Variants in ARAP3 observed in about 807,000 individuals in gnomAD.
The protein encoded by ARAP3 is ArfGAP with RhoGAP domain, ankyrin repeat and PH domain 3.
In ARAP3, 82 loss-of-function variants were observed where a neutral mutation model predicts 169.2. The ratio of observed to expected loss-of-function variants is 0.48; its 90% confidence interval spans 0.41 to 0.58. ARAP3 has a LOEUF of 0.58. Ranked by LOEUF, ARAP3 falls within the 20% of genes least tolerant of loss-of-function variation. ARAP3 has a pLI of 0.00. For synonymous variants in ARAP3, 791 were observed against 800.3 expected (o/e 0.99, Z 0.20); for missense variants, 1,764 against 2,018.0 (o/e 0.87, Z 2.41).
chr5:141,654,414 A>G lies in ARAP3; in HGVS notation c.4171T>C (p.Ser1391Pro), dbSNP rs113825295. Residue 1391 changes from serine (S) to proline (P), a missense_variant, in exon 33 of 33, where the codon TCT becomes CCT. By Grantham distance (74) the Ser-to-Pro change is moderately conservative. Around this residue, in one of 3 missense-constraint regions of ARAP3, gnomAD observed 1,112 missense variants for 1,285.7 expected, o/e 0.86. Coordinates refer to ENST00000239440, the MANE Select transcript of ARAP3 (RefSeq NM_022481.6). ...MFFPMKSSQG[S>P]VEEQEELEEP... is the part of the protein sequence containing the mutation. ...TCCAGCTCCTCTTGCTCCTCCACAG[A>G]CCCCTGGGATGACTTCATTGGCTGG... is the stretch of plus-strand genomic sequence containing the variant. 1 of 1,590,736 alleles carries G rather than the reference A, an allele frequency of 6.3e-7. No homozygotes were observed. The highest frequency in any genetic ancestry group is 8.6e-7 in the Non-Finnish European group (1 of 1,167,196).
chr5:141,668,996 A>G (rs1019471219), intron 16 of ARAP3, among the ~76,000 whole-genome samples: 3 of 152,168 alleles, frequency 2.0e-5, no homozygotes, highest in African/African-American at 7.2e-5. Context: ...CTGTCTTAGG[A>G]TGGGAGAGAC....
At position 141,672,201 on chromosome 5, in the gene ARAP3, A is replaced by G; in HGVS notation, c.1486T>C (p.Trp496Arg). 1 of 1,614,188 alleles carries G rather than the reference A, an allele frequency of 6.2e-7. No homozygotes were observed. The highest frequency in any genetic ancestry group is 8.5e-7 in the Non-Finnish European group (1 of 1,180,018). ...CACTGCCGGTTGGCCCGATTAGACC[A>G]GATCTTCTCAGCCACCTCGTAGTCA... ...LSDYEVAEKI[W>R]SNRANRQCAD... is the part of the protein sequence containing the mutation. The change falls in exon 10 of 33, where the codon TGG becomes CGG. Residue 496 changes from tryptophan (W) to arginine (R), a missense_variant. Trp to Arg is a moderately radical substitution (Grantham distance 101, BLOSUM62 -3). This residue lies in a region of ARAP3 where 630 missense variants were observed against 678.7 expected (regional missense o/e 0.93). Transcript: ENST00000239440. This position sits in a 1 kb window ranked among gnomAD's most constrained non-coding sequence, Gnocchi z 4.9.
chr5:141,653,809 G>C lies in ARAP3; in HGVS notation c.*141C>G. The C allele has an allele frequency of 8.2e-7, 1 of 1,224,006 alleles. No individual in the cohort carries two copies. The highest frequency in any genetic ancestry group is 2.5e-5 in the East Asian group (1 of 40,212). 75.8% of individuals were successfully genotyped at this position (1,224,006 alleles called of 1,614,324 possible). On this transcript the variant is annotated 3_prime_UTR_variant, in exon 33 of 33. Transcript: ENST00000239440. ...TGTCCTGGGACACGCAGCCACTGAA[G>C]CCTTTAGTCCAGTGCTCCTTCCACA... is the stretch of plus-strand genomic sequence containing the variant.
At chr5:141,656,900 C>T in intron 25 of ARAP3, 54 bp from the exon 26 acceptor site, 1 of 1,563,846 alleles carries the variant, frequency 6.4e-7, no homozygotes, top group Non-Finnish European at 8.7e-7. Flanking sequence ...ATACTAAGCC[C>T]CCAGCTCTCA....
intron 25 of ARAP3, among the ~76,000 whole-genome samples, chr5:141,657,167 G>A (rs1285637222): frequency 6.6e-6 from 1 of 152,226 alleles, no homozygotes; most frequent in Non-Finnish European, 1.5e-5. Flanking sequence ...CCTTTCAAAA[G>A]TGGCACTTGA....
intron 1 of ARAP3, chr5:141,680,806 A>G (rs2099912861): frequency 2.5e-6 from 1 of 398,310 alleles, no homozygotes; most frequent in African/African-American, 2.0e-5. Context: ...GGTCTGGGTC[A>G]AAGCTCTGCT....
rs745462041 is a variant in ARAP3, at chr5:141,656,267, G to A, written c.3799C>T (p.Pro1267Ser). ...LLLKEKKSSK[P>S]EREWPLEGAK... Reference sequence around the variant, plus strand: ...CCTTCCAAAGGCCACTCCCGTTCTGGTTTAGAGCTCTGAGAACAGAAACAG... The same window carrying A: ...CCTTCCAAAGGCCACTCCCGTTCTGATTTAGAGCTCTGAGAACAGAAACAG... Residue 1267 changes from proline to serine, a missense_variant, in exon 28 of 33, where the codon CCA (proline) becomes TCA (serine). Coordinates refer to ENST00000239440, the MANE Select transcript of ARAP3 (RefSeq NM_022481.6). 20 of 1,614,174 alleles carry A rather than the reference G, an allele frequency of 1.2e-5. No individual in the cohort carries two copies. The highest frequency in any genetic ancestry group is 1.7e-5 in the Non-Finnish European group (20 of 1,180,032).
intron 4 of ARAP3, among the ~76,000 whole-genome samples, chr5:141,676,841 C>T (rs1020458887): frequency 1.3e-5 from 2 of 152,184 alleles, no homozygotes; most frequent in Admixed American, 6.5e-5. Context: ...AAGTTTAGGT[C>T]TCCAGCTCCG....
intron 16 of ARAP3, among the ~76,000 whole-genome samples, chr5:141,667,076 AT>A (rs200477886): frequency 4.0e-5 from 6 of 150,896 alleles, no homozygotes; most frequent in Admixed American, 6.6e-5. Context: ...CACCTGGCTA[AT>A]TTTTTTTTAC....
rs777021825 is a variant in ARAP3 at position 141,659,785 on chromosome 5, G to A, written c.3261C>T (p.Val1087=). The A allele has an allele frequency of 6.2e-7, 1 of 1,611,602 alleles. No homozygotes were observed. Among genetic ancestry groups the A allele is most frequent in the Non-Finnish European group, 8.5e-7 (1 of 1,178,270 alleles). ...LQELIDGYIS[V]FDIDSDQVAQ... is the part of the protein sequence containing the mutation. Reference sequence around the variant, plus strand: ...GGGGTCAGGAAAGCCTTACATCAAAGACAGAGATGTAGCCATCAATGAGCT... The same window carrying A: ...GGGGTCAGGAAAGCCTTACATCAAAAACAGAGATGTAGCCATCAATGAGCT... Residue 1087 remains valine (V), a synonymous_variant, in exon 22 of 33, where the codon GTC becomes GTT. Transcript: ENST00000239440.
In ARAP3 at chr5:141,680,273, C is replaced by A. The variant is rs1186879516; in HGVS notation, c.214G>T (p.Asp72Tyr). ...TCCATGGCACTATCTGATTTGGGAT[C>A]CAGGGAGCCCTCTTCGGTGCCTGTC... ...LQTGTEEGSL[D>Y]PKSDSAMEPS... The change falls in exon 2 of 33, where the codon GAT (aspartate) becomes TAT (tyrosine). Residue 72 changes from aspartate (D) to tyrosine (Y), a missense_variant. By Grantham distance (160) the Asp-to-Tyr change is radical. Transcript: ENST00000239440. 6.2e-7 allele frequency: 1 copy of A among 1,614,180 alleles called. No individual in the cohort carries two copies. The highest frequency in any genetic ancestry group is 8.5e-7 in the Non-Finnish European group (1 of 1,180,024).
chr5:141,655,629 G>C lies in ARAP3; in HGVS notation c.4102C>G (p.Gln1368Glu). The change falls in exon 31 of 33, where the codon CAG becomes GAG. Residue 1368 changes from glutamine to glutamate, a missense_variant. Transcript: ENST00000239440. ...AGGGTGGGGTGCCTTACCAGGGTCTGATTGGCAGAGAGGAGGGTGGCTCCA... is the reference window on the plus strand; with the variant it reads ...AGGGTGGGGTGCCTTACCAGGGTCTCATTGGCAGAGAGGAGGGTGGCTCCA... ...DSGATLLSAN[Q>E]TLRRLHNRRT... The C allele has an allele frequency of 6.2e-7, 1 of 1,614,026 alleles. No homozygotes were observed. Among genetic ancestry groups the C allele is most frequent in the African/African-American group, 1.3e-5 (1 of 75,044 alleles).
chr5:141,676,145 C>T (rs889649227), intron 4 of ARAP3, among the ~76,000 whole-genome samples: 2 of 152,122 alleles, frequency 1.3e-5, no homozygotes, highest in African/African-American at 4.8e-5. Context: ...GTCAAGAGGT[C>T]GAGACCATCC....
chr5:141,664,911 T>G lies in ARAP3; in HGVS notation c.2800+11A>C. Reference sequence around the variant, plus strand: ...CCCCCATTGGCTCAGTACCAGCCAGTGCCTACTCACCATGCTGGGTAACAA... The same window carrying G: ...CCCCCATTGGCTCAGTACCAGCCAGGGCCTACTCACCATGCTGGGTAACAA... On this transcript the variant is annotated intron_variant, in intron 19 of 32. Coordinates refer to ENST00000239440, the MANE Select transcript of ARAP3 (RefSeq NM_022481.6). 1 of 1,221,912 alleles carries G rather than the reference T, an allele frequency of 8.2e-7. No individual in the cohort carries two copies. Among genetic ancestry groups the G allele is most frequent in the Non-Finnish European group, 1.1e-6 (1 of 912,392 alleles). The allele number at this position is 1,221,912 out of a possible 1,614,324, so 75.7% of individuals were successfully genotyped here. A position where few individuals can be genotyped will look rare whatever the true frequency, so the allele number is the denominator to read the frequency against.
At chr5:141,673,956 C>CT in intron 4 of ARAP3, 148 bp from the exon 5 acceptor site, 4 of 541,024 alleles carry the variant, frequency 7.4e-6, no homozygotes, top group South Asian at 3.0e-5. Context: ...CTTTTCTTTT[C>CT]TTCTTTTTTT....
chr5:141,670,566 A>G lies in ARAP3; in HGVS notation c.2053T>C (p.Cys685Arg). The G allele has an allele frequency of 1.2e-6, 2 of 1,614,136 alleles. No individual in the cohort carries two copies. Among genetic ancestry groups the G allele is most frequent in the Non-Finnish European group, 1.7e-6 (2 of 1,179,980 alleles). Residue 685 changes from cysteine to arginine, a missense_variant, in exon 14 of 33, where the codon TGC becomes CGC. Physicochemically the swap from Cys to Arg is radical, Grantham distance 180 (BLOSUM62 -3). This residue lies in a region of ARAP3 where 1,112 missense variants were observed against 1,285.7 expected (regional missense o/e 0.86). Transcript: ENST00000239440. ...VRATYSGFLY[C>R]SPVSNKAGPS... ...CCAGCTTTGTTGCTGACGGGACTGC[A>G]GTACAGGAAGCCGCTGTAAGTAGCA...
rs369624635 is a variant in ARAP3 at position 141,659,277 on chromosome 5, G to A, written c.3336+131C>T. ...GCACTTCTCTCATTGGGTTCCCCCT[G>A]TCTCCCAAAGAGCTGAGTGCTAGTG... On this transcript the variant is annotated intron_variant, in intron 23 of 32. Transcript: ENST00000239440. 4.0e-4 allele frequency: 328 copies of A among 814,138 alleles called. 7 individuals carry two copies. In the South Asian group the frequency reaches 5.1e-3, roughly 13 times the overall value. 50.4% of individuals were successfully genotyped at this position (814,138 alleles called of 1,614,324 possible).
intron 14 of ARAP3, 26 bp downstream of exon 14, chr5:141,670,486 C>T (rs769622657): frequency 3.1e-6 from 5 of 1,601,462 alleles, no homozygotes; most frequent in Non-Finnish European, 4.3e-6. Context: ...GTCCCTGTAT[C>T]CTCCCATCCC....
Position 141,654,379 on chromosome 5 carries a change from C to G in ARAP3, c.4206G>C (p.Val1402=). The G allele has an allele frequency of 3.7e-6, 6 of 1,612,860 alleles. No homozygotes were observed. Among genetic ancestry groups the G allele is most frequent in the Non-Finnish European group, 5.1e-6 (6 of 1,179,364 alleles). The change falls in exon 33 of 33, where the codon GTG becomes GTC. Residue 1402 remains valine (V), a synonymous_variant. Coordinates refer to ENST00000239440, the MANE Select transcript of ARAP3 (RefSeq NM_022481.6). ...CTTCCTCATACACTGGCTCCTCGTA[C>G]ACAGGCTCCTCCAGCTCCTCTTGCT... ...VEEQEELEEP[V]YEEPVYEEVG...
Sources: allele counts gnomAD v4.1 joint callset (sites outside exome capture counted in the v4.1 genomes callset), GRCh38; gene constraint gnomAD v4.1.1; regional missense constraint gnomAD v4.1.1; non-coding constraint Gnocchi (gnomAD v3.1); transcripts MANE v1.5; gene names NCBI Gene and HGNC (gene_info 2026-07-23, HGNC 2026-07-21).